The following KDELR3 variants were observed in gnomAD, a reference collection of about 807,000 sequenced individuals.
KDELR3 encodes ER lumen protein-retaining receptor 3.
Under a neutral mutation model 22.7 loss-of-function variants are expected in KDELR3, and 26 were observed. The observed-to-expected ratio is 1.15, with a 90% CI of 0.84 to 1.59. The LOEUF is 1.59. Ranked by LOEUF, KDELR3 falls within the 40% of genes most tolerant of loss-of-function variation. The pLI, the probability that KDELR3 is intolerant of heterozygous loss-of-function variation, is 0.00. For synonymous variants in KDELR3, 120 were observed against 98.2 expected, an observed-to-expected ratio of 1.22 and a Z score of -1.31; for missense variants, 289 against 251.1, an observed-to-expected ratio of 1.15 and a Z score of -1.02.
At chr22:38,477,455 G>A (rs986433250) in intron 2 of KDELR3, among the ~76,000 whole-genome samples, 1 of 151,994 alleles carries the variant, frequency 6.6e-6, no homozygotes, top group Admixed American at 6.6e-5. Context: ...CACCCTCCTC[G>A]GCCTCCCAAA....
At chr22:38,476,620 A>T (rs1320334948) in intron 2 of KDELR3, among the ~76,000 whole-genome samples, 1 of 149,876 alleles carries the variant, frequency 6.7e-6, no homozygotes, top group Non-Finnish European at 1.5e-5. Context: ...TGCCTCCTGG[A>T]TTCAAGCAAT....
chr22:38,472,842 G>T (rs2089533732), intron 1 of KDELR3, among the ~76,000 whole-genome samples: 2 of 151,920 alleles, frequency 1.3e-5, no homozygotes, highest in Non-Finnish European at 2.9e-5. Context: ...TGGGGTTACA[G>T]GCATGAGCCA....
intron 1 of KDELR3, among the ~76,000 whole-genome samples, chr22:38,470,411 G>C (rs2089517940): frequency 6.6e-6 from 1 of 152,200 alleles, no homozygotes; most frequent in South Asian, 2.1e-4. Context: ...TGACTTTCTA[G>C]TGGTAGGAAG....
chr22:38,482,808 G>A lies in KDELR3; in HGVS notation c.*272G>A, dbSNP rs373612207. 2.0e-5 allele frequency: 9 copies of A among 453,762 alleles called. No homozygotes were observed. The highest frequency in any genetic ancestry group is 2.3e-5 in the Non-Finnish European group (6 of 256,438). The allele number at this position is 453,762 out of a possible 1,614,324, so 28.1% of individuals were successfully genotyped here. On this transcript the variant is annotated 3_prime_UTR_variant, in exon 5 of 5. Transcript: ENST00000216014. ...AGAAACCTTAAGGTGTCTTACCGAC[G>A]AAATAAAAAACATAAATGATTGTTC...
intron 3 of KDELR3, 57 bp from the exon 4 acceptor site, chr22:38,481,151 CTTTT>C: frequency 7.0e-7 from 1 of 1,426,992 alleles, no homozygotes; most frequent in South Asian, 1.3e-5. Flanking sequence ...TAATTATGTT[CTTTT>C]AAGATGGGCC....
rs752492069 is a variant in KDELR3 at position 38,468,213 on chromosome 22, G to A, written c.-21G>A. 6.2e-7 allele frequency: 1 copy of A among 1,611,238 alleles called. No individual in the cohort carries two copies. The highest frequency in any genetic ancestry group is 8.5e-7 in the Non-Finnish European group (1 of 1,177,744). On this transcript the variant is annotated 5_prime_UTR_variant, in exon 1 of 5. Coordinates refer to ENST00000216014, the MANE Select transcript of KDELR3 (RefSeq NM_006855.4). Reference sequence around the variant, plus strand: ...TCCTAGAAGTTTGCTGGGCGCGGGCGCACGACTGACTGGCTGGACCATGAA... The same window carrying A: ...TCCTAGAAGTTTGCTGGGCGCGGGCACACGACTGACTGGCTGGACCATGAA...
intron 3 of KDELR3, 138 bp downstream of exon 3, chr22:38,479,889 T>C: frequency 1.2e-6 from 1 of 820,778 alleles, no homozygotes; most frequent in Non-Finnish European, 2.0e-6. Context: ...GAGAAGAAAT[T>C]GACAAGCTAT....
intron 3 of KDELR3, among the ~76,000 whole-genome samples, chr22:38,480,187 A>G (rs187256737): frequency 5.3e-5 from 8 of 152,288 alleles, no homozygotes; most frequent in Non-Finnish European, 1.0e-4. Flanking sequence ...TCTGTTGCCC[A>G]GGCTGGAGTG....
At chr22:38,479,195 A>C (rs1372323374) in intron 2 of KDELR3, among the ~76,000 whole-genome samples, 1 of 152,036 alleles carries the variant, frequency 6.6e-6, no homozygotes, top group Non-Finnish European at 1.5e-5. Flanking sequence ...AAAAAAAAAA[A>C]GGCTAGTCCT....
chr22:38,476,133 T>C (rs910585039), intron 2 of KDELR3, among the ~76,000 whole-genome samples: 2 of 152,100 alleles, frequency 1.3e-5, no homozygotes, highest in South Asian at 2.1e-4. Flanking sequence ...GATTTCACCA[T>C]GTTGCCCAGG....
rs745408124 is a variant in KDELR3, at chr22:38,468,275, G to A, written c.42G>A (p.Leu14=). ...TCCTCGGCGACCTGAGCCACCTCCT[G>A]GCCATGATCTTGCTGCTGGGGAAGA... ...FRILGDLSHL[L]AMILLLGKIW... The change falls in exon 1 of 5, where the codon CTG becomes CTA. Residue 14 remains leucine (L), a synonymous_variant. Coordinates refer to ENST00000216014, the MANE Select transcript of KDELR3 (RefSeq NM_006855.4). 6.2e-7 allele frequency: 1 copy of A among 1,613,738 alleles called. No individual in the cohort carries two copies. The highest frequency in any genetic ancestry group is 1.7e-5 in the Admixed American group (1 of 59,990).
intron 4 of KDELR3, 153 bp downstream of exon 4, chr22:38,481,617 G>C: frequency 3.4e-6 from 5 of 1,488,894 alleles, no homozygotes; most frequent in Non-Finnish European, 4.4e-6. Flanking sequence ...TTTCAATAAA[G>C]AAACAAATGC....
At chr22:38,472,250 G>T (rs930401312) in intron 1 of KDELR3, among the ~76,000 whole-genome samples, 2 of 152,124 alleles carry the variant, frequency 1.3e-5, no homozygotes, top group Non-Finnish European at 2.9e-5. Flanking sequence ...GGCCGAAGTG[G>T]GCAGTCACTT....
At chr22:38,477,438 C>T (rs1228025528) in intron 2 of KDELR3, among the ~76,000 whole-genome samples, 3 of 152,128 alleles carry the variant, frequency 2.0e-5, no homozygotes, top group East Asian at 3.9e-4. Flanking sequence ...CTCCTGACCT[C>T]GTGATCCACC....
intron 4 of KDELR3, 177 bp downstream of exon 4, chr22:38,481,641 A>G (rs2089602502): frequency 6.9e-7 from 1 of 1,458,066 alleles, no homozygotes; most frequent in African/African-American, 1.4e-5. Flanking sequence ...AAAAACATGC[A>G]GGCCAATAGG....
At chr22:38,481,534 A>G (rs1174578082) in intron 4 of KDELR3, 70 bp downstream of exon 4, 2 of 1,605,648 alleles carry the variant, frequency 1.2e-6, no homozygotes, top group Non-Finnish European at 1.7e-6. Context: ...TAAGTATTCC[A>G]GCAGATACAG....
chr22:38,481,131 ATTGT>A, intron 3 of KDELR3, 77 bp from the exon 4 acceptor site: 1 of 1,243,146 alleles, frequency 8.0e-7, no homozygotes, highest in Non-Finnish European at 1.1e-6. Context: ...CCAGCAAGCT[ATTGT>A]TTTAGTAATT....
intron 2 of KDELR3, 113 bp from the exon 3 acceptor site, chr22:38,479,480 C>T (rs1027280956): frequency 6.1e-6 from 6 of 989,980 alleles, no homozygotes; most frequent in Non-Finnish European, 9.2e-6. Context: ...TTAACCTCTT[C>T]ATGTTACATT....
At chr22:38,480,684 T>TG (rs2089593508) in intron 3 of KDELR3, among the ~76,000 whole-genome samples, 1 of 151,088 alleles carries the variant, frequency 6.6e-6, no homozygotes, top group Non-Finnish European at 1.5e-5. Context: ...ACCCAGGAGG[T>TG]GGAGCTTGCA....
Sources: allele counts gnomAD v4.1 joint callset (sites outside exome capture counted in the v4.1 genomes callset), GRCh38; gene constraint gnomAD v4.1.1; transcripts MANE v1.5; gene names NCBI Gene and HGNC (gene_info 2026-07-23, HGNC 2026-07-21).